The following RFX4 variants were observed in gnomAD, a reference collection of about 807,000 sequenced individuals.
RFX4 encodes transcription factor RFX4.
A neutral mutation model predicts 95.0 loss-of-function variants in RFX4; 10 were observed. That is an observed-to-expected ratio of 0.11 (90% CI 0.06 to 0.18). The LOEUF is 0.18. Among genes scored for constraint, RFX4 ranks in the 10% least tolerant of loss-of-function variants. The pLI is 1.00. For missense variants in RFX4, 640 were observed against 922.0 expected (o/e 0.69, Z 3.96); for synonymous variants, 321 against 340.7 (o/e 0.94, Z 0.64).
At chr12:106,609,170 G>A (rs1018204810) in intron 2 of RFX4, among the ~76,000 whole-genome samples, 8 of 152,186 alleles carry the variant, frequency 5.3e-5, no homozygotes, top group South Asian at 2.1e-4. Context: ...TTATAGTGAC[G>A]CTCTAGGCGG....
intron 15 of RFX4, among the ~76,000 whole-genome samples, chr12:106,738,970 A>C (rs528524018): frequency 6.6e-6 from 1 of 152,288 alleles, no homozygotes; most frequent in East Asian, 1.9e-4. Context: ...CTTTTTTTAA[A>C]AAAGTCAACT....
chr12:106,672,753 A>G, intron 4 of RFX4, among the ~76,000 whole-genome samples: 1 of 144,610 alleles, frequency 6.9e-6, no homozygotes, highest in Middle Eastern at 3.3e-3. Context: ...TGCAGCCCAT[A>G]AGAAACACTT....
intron 4 of RFX4, among the ~76,000 whole-genome samples, chr12:106,655,583 G>A (rs1011816076): frequency 3.9e-5 from 6 of 152,146 alleles, no homozygotes; most frequent in East Asian, 1.9e-4. Context: ...AGGAGTTTGC[G>A]GTCCTGGAAT....
chr12:106,698,476 T>G (rs2041925121), intron 8 of RFX4, among the ~76,000 whole-genome samples: 1 of 152,186 alleles, frequency 6.6e-6, no homozygotes, highest in Non-Finnish European at 1.5e-5. Context: ...AGATAGGGTC[T>G]CACTATACAG....
At chr12:106,668,572 T>A (rs564900177) in intron 4 of RFX4, among the ~76,000 whole-genome samples, 15 of 152,218 alleles carry the variant, frequency 9.9e-5, no homozygotes, top group African/African-American at 2.4e-4. Flanking sequence ...CTTAAAAAAA[T>A]TTTTTAAACT....
chr12:106,757,005 A>G (rs1455776029), intron 17 of RFX4, among the ~76,000 whole-genome samples: 4 of 152,176 alleles, frequency 2.6e-5, no homozygotes, highest in Non-Finnish European at 5.9e-5. Context: ...TTACTCTGGT[A>G]CTAAGTTGCT....
In RFX4 at chr12:106,761,629, T is replaced by G; in HGVS notation, c.*160T>G. The G allele has an allele frequency of 2.5e-6, 1 of 399,008 alleles. No individual in the cohort carries two copies. The highest frequency in any genetic ancestry group is 4.9e-5 in the Admixed American group (1 of 20,350). The allele number at this position is 399,008 out of a possible 1,614,324, so 24.7% of individuals were successfully genotyped here. ...AATGAACATGAGGATGGGATCAATG[T>G]GGGATGAATAAACTTTAGTTCAGAA... is the stretch of plus-strand genomic sequence containing the variant. On this transcript the variant is annotated 3_prime_UTR_variant, in exon 18 of 18. Coordinates refer to ENST00000392842, the MANE Select transcript of RFX4 (RefSeq NM_213594.3).
Position 106,747,429 on chromosome 12 carries a change from C to T in RFX4, c.1634-8C>T. 6.2e-7 allele frequency: 1 copy of T among 1,611,322 alleles called. No individual in the cohort carries two copies. Among genetic ancestry groups the T allele is most frequent in the Non-Finnish European group, 8.5e-7 (1 of 1,177,938 alleles). ...TAATGATCAAGACGTCTTAATTTGT[C>T]TCTGCAGGAGCAATGCAGTCTTACA... On this transcript the variant is annotated splice_polypyrimidine_tract_variant and splice_region_variant and intron_variant, in intron 15 of 17. Transcript: ENST00000392842.
intron 13 of RFX4, among the ~76,000 whole-genome samples, chr12:106,729,157 A>C (rs779441405): frequency 1.3e-5 from 2 of 152,204 alleles, no homozygotes; most frequent in Non-Finnish European, 2.9e-5. Context: ...GTTCATCCTA[A>C]AACTACTGGT....
chr12:106,592,102 G>T (rs890403983), intron 1 of RFX4, among the ~76,000 whole-genome samples: 1 of 152,044 alleles, frequency 6.6e-6, no homozygotes, highest in Admixed American at 6.6e-5. Flanking sequence ...ACTCCTAAAA[G>T]TTGCTCGGTA....
At chr12:106,717,588 C>A (rs1387225319) in intron 11 of RFX4, among the ~76,000 whole-genome samples, 4 of 152,242 alleles carry the variant, frequency 2.6e-5, no homozygotes, top group East Asian at 3.8e-4. Flanking sequence ...CTAGTCCTTA[C>A]TGAATGCCTG....
chr12:106,602,804 C>T (rs1170518862), intron 1 of RFX4, among the ~76,000 whole-genome samples: 2 of 152,168 alleles, frequency 1.3e-5, no homozygotes, highest in Non-Finnish European at 2.9e-5. Flanking sequence ...TTCTTTTCTT[C>T]CTTTACTTTT....
chr12:106,719,884 C>T (rs1488469406), intron 11 of RFX4, 76 bp from the exon 12 acceptor site: 5 of 1,143,658 alleles, frequency 4.4e-6, no homozygotes, highest in Non-Finnish European at 5.3e-6. Context: ...AAGTTTTGTT[C>T]CTCTGTTCTT....
At chr12:106,600,319 T>G (rs1227776865) in intron 1 of RFX4, among the ~76,000 whole-genome samples, 2 of 152,218 alleles carry the variant, frequency 1.3e-5, no homozygotes, top group East Asian at 3.8e-4. Context: ...CTTCGCATTC[T>G]TTAGCTGCCA....
At chr12:106,611,432 C>T (rs192969471) in intron 2 of RFX4, among the ~76,000 whole-genome samples, 77 of 151,202 alleles carry the variant, frequency 5.1e-4, no homozygotes, top group African/African-American at 1.7e-3. Flanking sequence ...GAGAGTTTTA[C>T]AGTTTTAGAC....
At chr12:106,751,810 T>G (rs2043011339) in intron 17 of RFX4, among the ~76,000 whole-genome samples, 1 of 152,118 alleles carries the variant, frequency 6.6e-6, no homozygotes, top group Admixed American at 6.5e-5. Flanking sequence ...TAAATTTGTT[T>G]GAGTTCATTG....
chr12:106,698,822 T>C (rs1182127810), intron 8 of RFX4, among the ~76,000 whole-genome samples: 1 of 152,094 alleles, frequency 6.6e-6, no homozygotes, highest in African/African-American at 2.4e-5. Flanking sequence ...TCTTGGTCAG[T>C]GTGACTAGAA....
intron 1 of RFX4, chr12:106,583,786 G>A (rs922818776): frequency 6.4e-6 from 1 of 155,554 alleles, no homozygotes; most frequent in Non-Finnish European, 1.4e-5. Context: ...GCCAGGGCCG[G>A]GAAGCCGAGC....
chr12:106,709,146 C>T (rs569002446), intron 8 of RFX4, among the ~76,000 whole-genome samples, 184 bp from the exon 9 acceptor site: 162 of 151,564 alleles, frequency 1.1e-3, no homozygotes, highest in Non-Finnish European at 2.0e-3. Flanking sequence ...TATTCGTGCC[C>T]TTCCCAGACC....
Sources: gnomAD v4.1 joint callset for allele counts (sites outside exome capture counted in the v4.1 genomes callset) on GRCh38, gnomAD v4.1.1 for gene constraint, MANE v1.5 for transcripts, NCBI Gene and HGNC (gene_info 2026-07-23, HGNC 2026-07-21) for gene names.